The following IMPA2 variants were observed in gnomAD, a reference collection of about 807,000 sequenced individuals.
IMPA2 encodes the protein inositol monophosphatase 2.
In IMPA2, 32 loss-of-function variants were observed where a neutral mutation model predicts 35.1. The ratio of observed to expected loss-of-function variants is 0.91; its 90% CI spans 0.69 to 1.23. The LOEUF (loss-of-function observed/expected upper bound fraction) is 1.23. IMPA2 is among the 50% of genes most tolerant of loss of function. IMPA2 has a pLI of 0.00. For missense variants in IMPA2, 334 were observed against 387.6 expected (o/e 0.86, Z 1.16); for synonymous variants, 135 against 160.6 (o/e 0.84, Z 1.20).
chr18:12,023,344 T>C (rs1243460812), intron 5 of IMPA2, among the ~76,000 whole-genome samples: 2 of 152,154 alleles, frequency 1.3e-5, no homozygotes, highest in Admixed American at 6.6e-5. Context: ...TTCTCATCTG[T>C]TGCACGGGGC....
intron 2 of IMPA2, among the ~76,000 whole-genome samples, chr18:12,006,954 A>AC (rs1272245985): frequency 1.3e-5 from 2 of 152,040 alleles, no homozygotes; most frequent in Non-Finnish European, 2.9e-5. Flanking sequence ...GCATGGTGAA[A>AC]CCCCATCTCT....
intron 1 of IMPA2, chr18:11,993,890 T>C (rs604962): frequency 0.45 from 68,517 of 152,056 alleles, 17,516 homozygotes; most frequent in African/African-American, 0.69. Flanking sequence ...GCACACCTGA[T>C]GCAAGACAGC....
At chr18:12,008,060 C>T (rs961856592) in intron 2 of IMPA2, among the ~76,000 whole-genome samples, 1 of 151,970 alleles carries the variant, frequency 6.6e-6, no homozygotes, top group Non-Finnish European at 1.5e-5. Flanking sequence ...ATCACTGCAA[C>T]CTCCGGCTCA....
rs1908012677 is a variant in IMPA2 at position 12,030,361 on chromosome 18, T to C, written c.770T>C (p.Met257Thr). The C allele has an allele frequency of 2.5e-6, 4 of 1,614,202 alleles. No homozygotes were observed. Among genetic ancestry groups the C allele is most frequent in the Non-Finnish European group, 3.4e-6 (4 of 1,180,022 alleles). The change falls in exon 8 of 8, where the codon ATG (methionine) becomes ACG (threonine). Residue 257 changes from methionine to threonine, a missense_variant. Transcript: ENST00000269159. Reference sequence around the variant, plus strand: ...TCCCCAGGTGGACCCCTCGACCTCATGGCTTGCAGAGTGGTTGCGGCCAGC... The same window carrying C: ...TCCCCAGGTGGACCCCTCGACCTCACGGCTTGCAGAGTGGTTGCGGCCAGC... ...IDTSGGPLDL[M>T]ACRVVAASTR...
At chr18:12,020,447 C>T (rs1907697708) in intron 5 of IMPA2, among the ~76,000 whole-genome samples, 1 of 152,244 alleles carries the variant, frequency 6.6e-6, no homozygotes, top group Non-Finnish European at 1.5e-5. Flanking sequence ...CCCGCCTCGG[C>T]CTCCCAAAGT....
chr18:11,993,072 C>G (rs1011142634), intron 1 of IMPA2, among the ~76,000 whole-genome samples: 1 of 115,940 alleles, frequency 8.6e-6, no homozygotes, highest in African/African-American at 4.7e-5. Flanking sequence ...TACATGTTCT[C>G]ACAACTGATA....
At chr18:12,007,588 T>G (rs1250169) in intron 2 of IMPA2, among the ~76,000 whole-genome samples, 13,295 of 142,532 alleles carry the variant, frequency 0.093, 833 homozygotes, top group African/African-American at 0.17. Context: ...CTTTCTTTTC[T>G]TTTCTTTCTT....
In IMPA2 at chr18:12,007,614, CTTTCTTT is replaced by C. The variant is rs1304808032; in HGVS notation, c.231-2266_231-2260del. On this transcript the variant is annotated intron_variant, in intron 2 of 7. Transcript: ENST00000269159. ...TTTCTTTCTTTCTTTCTCTTTCTTT[CTTTCTTT>C]TTCTTTCTTCTTTCTTTCTTTCTTT... Among the ~76,000 whole-genome samples, 335 of 136,134 alleles carry C rather than the reference CTTTCTTT, an allele frequency of 2.5e-3. 2 individuals are homozygous for C. The highest frequency in any genetic ancestry group is 7.7e-3 in the African/African-American group (268 of 34,722). 89.3% of individuals were successfully genotyped at this position (136,134 alleles called of 152,430 possible).
At chr18:11,998,104 T>TTAC (rs1222494831) in intron 1 of IMPA2, among the ~76,000 whole-genome samples, 1 of 152,074 alleles carries the variant, frequency 6.6e-6, no homozygotes, top group African/African-American at 2.4e-5. Flanking sequence ...GGGTTAGAGG[T>TTAC]TACTGTGAGC....
At chr18:12,007,709 C>G (rs1907315386) in intron 2 of IMPA2, among the ~76,000 whole-genome samples, 1 of 128,644 alleles carries the variant, frequency 7.8e-6, no homozygotes. Context: ...TTTCTTCCCT[C>G]CTTCCCTTCT....
intron 1 of IMPA2, 44 bp downstream of exon 1, chr18:11,981,809 CGCGTG>C: frequency 8.5e-7 from 1 of 1,180,384 alleles, no homozygotes; most frequent in Non-Finnish European, 1.1e-6. Context: ...GGAGCAGAAG[CGCGTG>C]GGCCTTGGGA....
chr18:11,983,199 C>CA (rs1378739511), intron 1 of IMPA2, among the ~76,000 whole-genome samples: 1 of 152,200 alleles, frequency 6.6e-6, no homozygotes, highest in African/African-American at 2.4e-5. Context: ...GGACCCTAAA[C>CA]CTTCCTGCAA....
intron 1 of IMPA2, among the ~76,000 whole-genome samples, chr18:11,997,796 A>G (rs1907002468): frequency 1.3e-5 from 2 of 152,234 alleles, no homozygotes; most frequent in South Asian, 4.1e-4. Flanking sequence ...TAGTTTAGGA[A>G]GAAGGCTCTG....
intron 2 of IMPA2, among the ~76,000 whole-genome samples, chr18:12,000,990 G>A (rs1907100889): frequency 6.6e-6 from 1 of 151,652 alleles, no homozygotes; most frequent in Admixed American, 6.6e-5. Context: ...CCAGCACTTT[G>A]GGAGGCTGAG....
chr18:11,982,623 C>T (rs1233691309), intron 1 of IMPA2, among the ~76,000 whole-genome samples: 1 of 152,068 alleles, frequency 6.6e-6, no homozygotes, highest in Non-Finnish European at 1.5e-5. Context: ...GGTGAAACCC[C>T]GTCTCTACTG....
chr18:12,006,725 T>C (rs1907257323), intron 2 of IMPA2, among the ~76,000 whole-genome samples: 2 of 152,180 alleles, frequency 1.3e-5, no homozygotes, highest in South Asian at 4.1e-4. Flanking sequence ...ATGGAGGGGC[T>C]GGATGACTCT....
At chr18:12,007,898 C>A (rs1907322824) in intron 2 of IMPA2, among the ~76,000 whole-genome samples, 1 of 152,034 alleles carries the variant, frequency 6.6e-6, no homozygotes, top group Admixed American at 6.6e-5. Flanking sequence ...CTGCCTCAGA[C>A]TCCCAAGCAG....
chr18:12,016,539 C>T (rs1907584230), intron 5 of IMPA2, among the ~76,000 whole-genome samples: 1 of 152,028 alleles, frequency 6.6e-6, no homozygotes, highest in African/African-American at 2.4e-5. Flanking sequence ...GATTCTTCTG[C>T]CTCCCAAGCA....
chr18:12,028,241 A>C (rs1000221246), intron 6 of IMPA2, 90 bp downstream of exon 6: 2 of 876,094 alleles, frequency 2.3e-6, no homozygotes, highest in South Asian at 1.5e-5. Flanking sequence ...TTTGAGGAGG[A>C]AGCCTGACGT....
Sources: gnomAD v4.1 joint callset for allele counts (sites outside exome capture counted in the v4.1 genomes callset) on GRCh38, gnomAD v4.1.1 for gene constraint, MANE v1.5 for transcripts, NCBI Gene and HGNC (gene_info 2026-07-23, HGNC 2026-07-21) for gene names.